Variants in SCRN1 observed in about 807,000 individuals in gnomAD.
SCRN1 encodes the protein secernin-1.
A neutral mutation model predicts 43.3 loss-of-function variants in SCRN1; 19 were observed. The ratio of observed to expected loss-of-function variants is 0.44; its 90% CI spans 0.31 to 0.64. The LOEUF (loss-of-function observed/expected upper bound fraction) is 0.64. SCRN1 is among the 30% of genes least tolerant of loss of function. SCRN1 has a pLI of 0.09. For synonymous variants in SCRN1, 183 were observed against 188.9 expected, an observed-to-expected ratio of 0.97 and a Z score of 0.26; for missense variants, 447 against 524.1, an observed-to-expected ratio of 0.85 and a Z score of 1.44.
At chr7:29,970,643 T>C (rs1463658115) in intron 1 of SCRN1, among the ~76,000 whole-genome samples, 1 of 152,228 alleles carries the variant, frequency 6.6e-6, no homozygotes, top group East Asian at 1.9e-4. Context: ...CCGTACACTA[T>C]GTCTTATGCA....
intron 2 of SCRN1, among the ~76,000 whole-genome samples, chr7:29,962,617 G>T (rs1788363310): frequency 6.6e-6 from 1 of 152,128 alleles, no homozygotes; most frequent in Non-Finnish European, 1.5e-5. Flanking sequence ...GAACCCAGGA[G>T]GCAGAGGTTG....
chr7:29,938,163 G>A (rs941189884), intron 5 of SCRN1, among the ~76,000 whole-genome samples: 1 of 152,028 alleles, frequency 6.6e-6, no homozygotes, highest in African/African-American at 2.4e-5. Flanking sequence ...CTGGTAGCTG[G>A]GACTACAGGC....
intron 2 of SCRN1, among the ~76,000 whole-genome samples, chr7:29,968,553 A>C (rs1034093285): frequency 1.3e-5 from 2 of 152,222 alleles, no homozygotes; most frequent in African/African-American, 4.8e-5. Flanking sequence ...TGCAAATGGA[A>C]GGATAAACCA....
rs1440833932 is a variant in SCRN1 at position 29,965,149 on chromosome 7, G to C, written c.159+3760C>G. ...TAGTCTATCAATTTAAAATAGAAAA[G>C]AATGAAAGAGAATAAAAGAAAGGAA... On this transcript the variant is annotated intron_variant, in intron 2 of 7. Coordinates refer to ENST00000242059, the MANE Select transcript of SCRN1 (RefSeq NM_014766.5). The surrounding 1 kb of genome is among the most constrained non-coding windows in gnomAD (Gnocchi z 4.2). Among the ~76,000 whole-genome samples, 2 of 152,030 alleles carry C rather than the reference G, an allele frequency of 1.3e-5. No homozygotes were observed. Among genetic ancestry groups the C allele is most frequent in the African/African-American group, 2.4e-5 (1 of 41,362 alleles).
Position 29,926,627 on chromosome 7 carries a change from A to G in SCRN1, c.911T>C (p.Ile304Thr), listed in dbSNP as rs1390204821. 4 of 1,613,086 alleles carry G rather than the reference A, an allele frequency of 2.5e-6. No homozygotes were observed. The African/African-American group carries it at 4.0e-5, about 16-fold the overall frequency. Residue 304 changes from isoleucine (I) to threonine (T), a missense_variant, in exon 7 of 8, where the codon ATA becomes ACA. Physicochemically the swap from Ile to Thr is moderately conservative, Grantham distance 89. Coordinates refer to ENST00000242059, the MANE Select transcript of SCRN1 (RefSeq NM_014766.5). ...FTGTPDPSRS[I>T]FKPFIFVDDV... ...ATCAACAAAGATGAAAGGCTTGAAT[A>G]TGGACCTGGAGAGGAAGGAGAGGCA...
At chr7:29,981,207 T>G (rs1049928676) in intron 1 of SCRN1, among the ~76,000 whole-genome samples, 11 of 152,058 alleles carry the variant, frequency 7.2e-5, no homozygotes, top group Admixed American at 1.3e-4. Context: ...ACACTAAAGC[T>G]TTACCTTAAG....
Position 29,924,066 on chromosome 7 carries a change from C to T in SCRN1, c.1136G>A (p.Gly379Asp), listed in dbSNP as rs766914524. Residue 379 changes from glycine (G) to aspartate (D), a missense_variant, in exon 8 of 8, where the codon GGC becomes GAC. Coordinates refer to ENST00000242059, the MANE Select transcript of SCRN1 (RefSeq NM_014766.5). ...RSTMLELEKQ[G>D]LEAMEEILTS... is the part of the protein sequence containing the mutation. ...CAGGATTTCTTCCATGGCTTCCAGG[C>T]CTTGCTTCTCCAGCTCCAGCATGGT... The T allele has an allele frequency of 7.4e-6, 12 of 1,613,988 alleles. No individual in the cohort carries two copies. Among genetic ancestry groups the T allele is most frequent in the Non-Finnish European group, 1.0e-5 (12 of 1,180,014 alleles).
chr7:29,947,173 G>A lies in SCRN1; in HGVS notation c.342-2994C>T. Reference sequence around the variant, plus strand: ...TGCAGTTCGAATTCTTCCAAAGTGTGTGCTTTGTCCAGCTTGCTCTGGGCC... The same window carrying A: ...TGCAGTTCGAATTCTTCCAAAGTGTATGCTTTGTCCAGCTTGCTCTGGGCC... On this transcript the variant is annotated intron_variant, in intron 3 of 7. Coordinates refer to ENST00000242059, the MANE Select transcript of SCRN1 (RefSeq NM_014766.5). 3.2e-6 allele frequency: 5 copies of A among 1,548,444 alleles called. No homozygotes were observed. The African/African-American group carries it at 4.1e-5, about 13-fold the overall frequency.
At chr7:29,979,401 A>G (rs1397767598) in intron 1 of SCRN1, among the ~76,000 whole-genome samples, 2 of 152,212 alleles carry the variant, frequency 1.3e-5, no homozygotes, top group Non-Finnish European at 2.9e-5. Context: ...ACATTTCCAC[A>G]TAACAGTCCT....
Position 29,920,253 on chromosome 7 carries a change from G to C in SCRN1, c.*3704C>G, listed in dbSNP as rs1228439512. ...TGGCCAGTTCCCACTGCAGGAAACA[G>C]AATGATTTTCTTTTTTTTTTATTAT... On this transcript the variant is annotated 3_prime_UTR_variant, in exon 8 of 8. Coordinates refer to ENST00000242059, the MANE Select transcript of SCRN1 (RefSeq NM_014766.5). 6.6e-6 allele frequency: 1 copy of C among 152,504 alleles called. No individual in the cohort carries two copies. The highest frequency in any genetic ancestry group is 1.9e-4 in the East Asian group (1 of 5,190). The allele number at this position is 152,504 out of a possible 1,614,324, so 9.4% of individuals were successfully genotyped here.
At chr7:29,929,149 A>G (rs7812058) in intron 6 of SCRN1, among the ~76,000 whole-genome samples, 5,190 of 152,292 alleles carry the variant, frequency 0.034, 110 homozygotes, top group African/African-American at 0.067. Context: ...AGCCTCTTTC[A>G]CTGGCACAGA....
At chr7:29,972,406 A>G (rs1402753483) in intron 1 of SCRN1, among the ~76,000 whole-genome samples, 1 of 152,218 alleles carries the variant, frequency 6.6e-6, no homozygotes, top group Non-Finnish European at 1.5e-5. Context: ...TATCTATAGA[A>G]TATAAATAAA....
chr7:29,969,197 A>G (rs1351678647), intron 1 of SCRN1, 129 bp from the exon 2 acceptor site: 1 of 1,127,608 alleles, frequency 8.9e-7, no homozygotes, highest in African/African-American at 1.6e-5. Flanking sequence ...GCTCATTAAG[A>G]GATCCCAGCT....
chr7:29,986,409 ATTCT>A (rs772159091), intron 1 of SCRN1, among the ~76,000 whole-genome samples: 47 of 152,132 alleles, frequency 3.1e-4, no homozygotes, highest in Non-Finnish European at 5.3e-4. Context: ...GATATTTTAA[ATTCT>A]TTCTTCATAT....
intron 1 of SCRN1, among the ~76,000 whole-genome samples, chr7:29,973,267 C>T (rs1788718053): frequency 6.6e-6 from 1 of 152,196 alleles, no homozygotes; most frequent in African/African-American, 2.4e-5. Flanking sequence ...CTGAAAACAC[C>T]ATGAGAGTGG....
At chr7:29,980,532 A>T (rs984395909) in intron 1 of SCRN1, among the ~76,000 whole-genome samples, 1 of 152,068 alleles carries the variant, frequency 6.6e-6, no homozygotes, top group African/African-American at 2.4e-5. Context: ...ACTGGGATTT[A>T]AAAAAAATTT....
At position 29,926,543 on chromosome 7, in the gene SCRN1, T is replaced by G; in HGVS notation, c.995A>C (p.Lys332Thr). 6.2e-7 allele frequency: 1 copy of G among 1,614,174 alleles called. No individual in the cohort carries two copies. The highest frequency in any genetic ancestry group is 8.5e-7 in the Non-Finnish European group (1 of 1,180,032). ...SPCFGDDDPAKKEPRFQEKPD... is the reference protein window; with the variant it reads ...SPCFGDDDPATKEPRFQEKPD... ...TTTCTCCTGGAACCGAGGCTCCTTT[T>G]TGGCAGGGTCGTCATCCCCAAAACA... Residue 332 changes from lysine to threonine, a missense_variant, in exon 7 of 8, where the codon AAA becomes ACA. By Grantham distance (78) the Lys-to-Thr change is moderately conservative. Transcript: ENST00000242059.
chr7:29,946,385 T>A (rs548000974), intron 3 of SCRN1, among the ~76,000 whole-genome samples: 1 of 152,222 alleles, frequency 6.6e-6, no homozygotes, highest in Non-Finnish European at 1.5e-5. Context: ...CACAGGTCCC[T>A]GGTAGCCCCC....
At chr7:29,983,218 C>T (rs1433824209) in intron 1 of SCRN1, among the ~76,000 whole-genome samples, 1 of 147,762 alleles carries the variant, frequency 6.8e-6, no homozygotes, top group East Asian at 2.0e-4. Flanking sequence ...AGGGATTCTG[C>T]CATTTTATGT....
Sources: gnomAD v4.1 joint callset for allele counts (sites outside exome capture counted in the v4.1 genomes callset) on GRCh38, gnomAD v4.1.1 for gene constraint, Gnocchi (gnomAD v3.1) non-coding constraint, MANE v1.5 for transcripts, NCBI Gene and HGNC (gene_info 2026-07-23, HGNC 2026-07-21) for gene names.